The following DLGAP2 variants were observed in gnomAD, a reference collection of about 807,000 sequenced individuals.
DLGAP2 encodes disks large-associated protein 2.
A neutral mutation model predicts 100.3 loss-of-function variants in DLGAP2; 26 were observed. The observed-to-expected ratio is 0.26, with a 90% confidence interval of 0.19 to 0.36. The LOEUF is 0.36. Ranked by LOEUF, DLGAP2 falls within the 10% of genes least tolerant of loss-of-function variation. The pLI, the probability that DLGAP2 is intolerant of heterozygous loss-of-function variation, is 1.00. For synonymous variants in DLGAP2, 886 were observed against 630.1 expected, an observed-to-expected ratio of 1.41 and a Z score of -6.08; for missense variants, 1,858 against 1,453.2, an observed-to-expected ratio of 1.28 and a Z score of -4.53.
chr8:802,852 G>A (rs897322137), intron 1 of DLGAP2, among the ~76,000 whole-genome samples: 3 of 152,162 alleles, frequency 2.0e-5, no homozygotes, highest in East Asian at 1.9e-4. Flanking sequence ...GAGCGAACTC[G>A]TTTGCAGCAG....
chr8:1,130,604 C>A (rs1473097048), intron 2 of DLGAP2, among the ~76,000 whole-genome samples: 1 of 152,224 alleles, frequency 6.6e-6, no homozygotes, highest in East Asian at 1.9e-4. Flanking sequence ...AGGAGACACC[C>A]CCCTGGGTGT....
intron 1 of DLGAP2, among the ~76,000 whole-genome samples, chr8:841,731 C>A (rs1796987238): frequency 6.6e-6 from 1 of 150,656 alleles, no homozygotes; most frequent in African/African-American, 2.4e-5. Context: ...CAGGTGCCGC[C>A]CCCCACACCC....
intron 4 of DLGAP2, among the ~76,000 whole-genome samples, chr8:1,517,525 G>C (rs1007915369): frequency 1.1e-4 from 17 of 152,150 alleles, no homozygotes; most frequent in Non-Finnish European, 2.5e-4. Flanking sequence ...CAGGGAGAGA[G>C]AGCAGAAGAG....
In DLGAP2 at chr8:815,687, G is replaced by A. The variant is rs556148644; in HGVS notation, c.18+77862G>A. Among the ~76,000 whole-genome samples the A allele has an allele frequency of 2.6e-5, 4 of 152,288 alleles. No homozygotes were observed. The South Asian group carries it at 8.3e-4, about 32-fold the overall frequency. ...TACTAGAAGAAGATATTTATTGAATGTCTTGAATTCTATCCCTAATGTGCC... is the reference window on the plus strand; with the variant it reads ...TACTAGAAGAAGATATTTATTGAATATCTTGAATTCTATCCCTAATGTGCC... On this transcript the variant is annotated intron_variant, in intron 1 of 14. Coordinates refer to ENST00000637795, the MANE Select transcript of DLGAP2 (RefSeq NM_001346810.2).
chr8:916,391 G>A (rs57107628), intron 2 of DLGAP2, among the ~76,000 whole-genome samples: 3,228 of 152,278 alleles, frequency 0.021, 112 homozygotes, highest in African/African-American at 0.075. Flanking sequence ...CGTGGATGAA[G>A]CTGGAAACCA....
chr8:1,358,763 C>T (rs148602215), intron 3 of DLGAP2, among the ~76,000 whole-genome samples: 122 of 152,178 alleles, frequency 8.0e-4, no homozygotes, highest in East Asian at 5.0e-3. Flanking sequence ...TATTCTTCTG[C>T]GGTGGGCTAA....
At chr8:1,576,224 A>T (rs952343714) in intron 6 of DLGAP2, among the ~76,000 whole-genome samples, 1 of 152,174 alleles carries the variant, frequency 6.6e-6, no homozygotes, top group Admixed American at 6.5e-5. Flanking sequence ...GCCAGTGATG[A>T]TGAGCATTTT....
intron 1 of DLGAP2, among the ~76,000 whole-genome samples, chr8:750,088 C>T (rs967060257): frequency 2.6e-5 from 4 of 152,258 alleles, no homozygotes; most frequent in African/African-American, 9.6e-5. Context: ...CTCTGCAAAG[C>T]CTGTCTTCCA....
At chr8:1,284,228 G>T (rs2116955211) in intron 3 of DLGAP2, among the ~76,000 whole-genome samples, 1 of 152,326 alleles carries the variant, frequency 6.6e-6, no homozygotes, top group East Asian at 1.9e-4. Flanking sequence ...GGAGTCCACT[G>T]CAGGCTTACA....
intron 2 of DLGAP2, among the ~76,000 whole-genome samples, chr8:1,138,004 A>G (rs1796452961): frequency 6.6e-6 from 1 of 151,990 alleles, no homozygotes; most frequent in Non-Finnish European, 1.5e-5. Flanking sequence ...CCCATCATGT[A>G]GGATTACAGG....
At chr8:1,627,686 G>C (rs1300737105) in intron 7 of DLGAP2, among the ~76,000 whole-genome samples, 1 of 152,244 alleles carries the variant, frequency 6.6e-6, no homozygotes, top group African/African-American at 2.4e-5. Flanking sequence ...GGGATTAAGA[G>C]CCTGAGCCGA....
At chr8:1,322,409 G>A (rs562512697) in intron 3 of DLGAP2, among the ~76,000 whole-genome samples, 3 of 151,918 alleles carry the variant, frequency 2.0e-5, no homozygotes, top group South Asian at 4.2e-4. Context: ...GTACCCACCC[G>A]GCGTGCTGGA....
chr8:1,203,208 G>A (rs1314484996), intron 2 of DLGAP2, among the ~76,000 whole-genome samples: 2 of 152,150 alleles, frequency 1.3e-5, no homozygotes, highest in African/African-American at 2.4e-5. Context: ...GATTATAGAC[G>A]TGTGTGTCCT....
intron 3 of DLGAP2, among the ~76,000 whole-genome samples, chr8:1,392,551 C>A (rs1007589156): frequency 1.3e-5 from 2 of 152,182 alleles, no homozygotes; most frequent in African/African-American, 4.8e-5. Context: ...GCAAATAGAC[C>A]TTGTCCGAAA....
chr8:1,494,048 G>C (rs534712997), intron 3 of DLGAP2, among the ~76,000 whole-genome samples: 53 of 152,314 alleles, frequency 3.5e-4, no homozygotes, highest in African/African-American at 1.3e-3. Context: ...GCATCGGGGG[G>C]GGCAGTAGGA....
intron 5 of DLGAP2, among the ~76,000 whole-genome samples, chr8:1,565,208 A>G (rs192603404): frequency 6.6e-6 from 1 of 152,338 alleles, no homozygotes; most frequent in East Asian, 1.9e-4. Context: ...TGCATGTATG[A>G]TAGAACTTGG....
intron 2 of DLGAP2, among the ~76,000 whole-genome samples, chr8:1,243,669 T>G (rs1191559989): frequency 6.6e-6 from 1 of 152,138 alleles, no homozygotes; most frequent in African/African-American, 2.4e-5. Flanking sequence ...CCATACTCGG[T>G]GGGGCTGGAG....
At chr8:1,242,945 GGA>G (rs1301062598) in intron 2 of DLGAP2, among the ~76,000 whole-genome samples, 14 of 152,146 alleles carry the variant, frequency 9.2e-5, no homozygotes, top group African/African-American at 2.7e-4. Context: ...ATTGATAGAT[GGA>G]TGGATGGACA....
At chr8:1,541,934 GAA>G (rs765026155) in intron 4 of DLGAP2, among the ~76,000 whole-genome samples, 1 of 152,208 alleles carries the variant, frequency 6.6e-6, no homozygotes, top group Non-Finnish European at 1.5e-5. Flanking sequence ...TGAAGGCAAA[GAA>G]AAGAGATGTA....
Sources: gnomAD v4.1 joint callset for allele counts (sites outside exome capture counted in the v4.1 genomes callset) on GRCh38, gnomAD v4.1.1 for gene constraint, MANE v1.5 for transcripts, NCBI Gene and HGNC (gene_info 2026-07-23, HGNC 2026-07-21) for gene names.